Variants in MAGI1 observed in about 807,000 individuals in gnomAD.
MAGI1 encodes membrane associated guanylate kinase, WW and PDZ domain containing 1, also known as membrane-associated guanylate kinase, WW and PDZ domain-containing protein 1.
In MAGI1, 58 loss-of-function variants were observed where a neutral mutation model predicts 139.9. The observed-to-expected ratio is 0.41, with a 90% CI of 0.34 to 0.52. The LOEUF (loss-of-function observed/expected upper bound fraction) is 0.52. Among genes scored for constraint, MAGI1 ranks in the 20% least tolerant of loss-of-function variants. MAGI1 has a pLI of 0.12. For missense variants in MAGI1, 1,874 were observed against 1,901.6 expected, an observed-to-expected ratio of 0.99 and a Z score of 0.27; for synonymous variants, 812 against 737.9, an observed-to-expected ratio of 1.10 and a Z score of -1.63.
chr3:65,530,945 T>C (rs1219212577), intron 2 of MAGI1, among the ~76,000 whole-genome samples: 1 of 150,342 alleles, frequency 6.7e-6, no homozygotes, highest in African/African-American at 2.5e-5. Context: ...TCTGTTATTA[T>C]TCGTAGTTCC....
intron 2 of MAGI1, among the ~76,000 whole-genome samples, chr3:65,593,148 G>A (rs2106762054): frequency 6.8e-6 from 1 of 146,960 alleles, no homozygotes. Context: ...CTCATAAAAA[G>A]GAGTTTAAAT....
chr3:65,453,003 T>C (rs1949132974), intron 6 of MAGI1: 1 of 403,036 alleles, frequency 2.5e-6, no homozygotes, highest in East Asian at 3.8e-5. Context: ...GTATCTTCAT[T>C]TGAACAGTTT....
At chr3:65,360,664 A>C (rs2106711645) in intron 22 of MAGI1, 1 of 986,908 alleles carries the variant, frequency 1.0e-6, no homozygotes, top group Non-Finnish European at 1.2e-6. Context: ...AGATGGTCTG[A>C]TTTGGGGTAA....
At chr3:65,828,045 A>G (rs933081527) in intron 1 of MAGI1, among the ~76,000 whole-genome samples, 2 of 152,364 alleles carry the variant, frequency 1.3e-5, no homozygotes, top group Non-Finnish European at 2.9e-5. Flanking sequence ...AGTTGATTTT[A>G]TAAGATATTA....
chr3:66,025,622 T>G (rs897056336), intron 1 of MAGI1, among the ~76,000 whole-genome samples: 7 of 152,216 alleles, frequency 4.6e-5, no homozygotes, highest in Admixed American at 1.3e-4. Flanking sequence ...CCAAACAGCA[T>G]GTACTGTACA....
intron 2 of MAGI1, among the ~76,000 whole-genome samples, chr3:65,616,405 GAGAT>G (rs746317781): frequency 6.6e-5 from 10 of 152,174 alleles, no homozygotes; most frequent in Non-Finnish European, 1.0e-4. Context: ...AAATAGAAAA[GAGAT>G]AGAGTCGAAG....
At chr3:65,912,164 T>A (rs1335204064) in intron 1 of MAGI1, among the ~76,000 whole-genome samples, 1 of 149,510 alleles carries the variant, frequency 6.7e-6, no homozygotes, top group Non-Finnish European at 1.5e-5. Context: ...AACCCAATCT[T>A]GAAAGCTATT....
chr3:65,590,608 TC>T (rs1044912154), intron 2 of MAGI1, among the ~76,000 whole-genome samples: 3 of 152,260 alleles, frequency 2.0e-5, no homozygotes, highest in East Asian at 1.9e-4. Context: ...TACTTAGCTG[TC>T]CCCCCCATTC....
intron 1 of MAGI1, among the ~76,000 whole-genome samples, chr3:65,919,355 G>C (rs556493700): frequency 6.6e-6 from 1 of 152,132 alleles, no homozygotes; most frequent in Non-Finnish European, 1.5e-5. Context: ...TTGAGCCCAG[G>C]AGTTTGAGAC....
chr3:65,557,308 A>T (rs1576312285), intron 2 of MAGI1, among the ~76,000 whole-genome samples: 3 of 152,170 alleles, frequency 2.0e-5, no homozygotes, highest in African/African-American at 7.2e-5. Flanking sequence ...GAAGCCTGCT[A>T]CCACGTGGTA....
At chr3:65,603,001 C>A (rs77140140) in intron 2 of MAGI1, among the ~76,000 whole-genome samples, 2 of 152,128 alleles carry the variant, frequency 1.3e-5, no homozygotes, top group South Asian at 4.1e-4. Context: ...CAGAATGGTT[C>A]ATTTTCTAGA....
chr3:65,828,962 A>C (rs1247328433), intron 1 of MAGI1, among the ~76,000 whole-genome samples: 3 of 152,162 alleles, frequency 2.0e-5, no homozygotes, highest in Non-Finnish European at 4.4e-5. Context: ...CTCCGCTGAC[A>C]GCCAGCAAGA....
At chr3:66,011,212 C>A (rs2067303438) in intron 1 of MAGI1, among the ~76,000 whole-genome samples, 1 of 152,152 alleles carries the variant, frequency 6.6e-6, no homozygotes, top group East Asian at 1.9e-4. Context: ...AGGGTGTCCC[C>A]ACATGGCAGC....
intron 1 of MAGI1, among the ~76,000 whole-genome samples, chr3:65,716,930 A>G (rs192896635): frequency 9.3e-4 from 141 of 152,330 alleles, no homozygotes; most frequent in Middle Eastern, 3.4e-3. Context: ...ATATTGGTGA[A>G]TGTTGTAGGC....
At chr3:65,771,516 T>C (rs1457340691) in intron 1 of MAGI1, among the ~76,000 whole-genome samples, 3 of 152,174 alleles carry the variant, frequency 2.0e-5, no homozygotes, top group Admixed American at 2.0e-4. Flanking sequence ...AACTGTGTAA[T>C]ATAAAAGCAC....
chr3:65,429,864 G>A lies in MAGI1; in HGVS notation c.1823C>T (p.Ala608Val). The change falls in exon 12 of 23, where the codon GCC (alanine) becomes GTC (valine). Residue 608 changes from alanine (A) to valine (V), a missense_variant. Physicochemically the swap from Ala to Val is moderately conservative, Grantham distance 64. This residue lies in a region of MAGI1 where 482 missense variants were observed against 509.6 expected (regional missense o/e 0.95). Transcript: ENST00000402939. ...KTGKVNGMKD[A>V]RPSSPADVAS... Reference sequence around the variant, plus strand: ...CACGTCCGCTGGGCTGCTTGGCCTGGCATCCTTCATGCCATTGACTTTGCC... The same window carrying A: ...CACGTCCGCTGGGCTGCTTGGCCTGACATCCTTCATGCCATTGACTTTGCC... The A allele has an allele frequency of 6.2e-7, 1 of 1,613,964 alleles. No individual in the cohort carries two copies. The highest frequency in any genetic ancestry group is 8.5e-7 in the Non-Finnish European group (1 of 1,179,952).
chr3:65,942,968 C>G (rs776645381), intron 1 of MAGI1, among the ~76,000 whole-genome samples: 2 of 152,078 alleles, frequency 1.3e-5, no homozygotes, highest in Non-Finnish European at 2.9e-5. Context: ...TTGCAGTGAG[C>G]CGAGATCATG....
Position 65,356,580 on chromosome 3 carries a change from G to A in MAGI1, c.4187C>T (p.Ala1396Val). The part of the protein sequence containing the change: ...RRRGGSPERR[A>V]KSTDRRRARS... ...TGCGCGCCTCCGGTCGGTGGACTTGGCCCTGCGCTCGGGCGAGCCCCCTCT... is the reference window on the plus strand; with the variant it reads ...TGCGCGCCTCCGGTCGGTGGACTTGACCCTGCGCTCGGGCGAGCCCCCTCT... Residue 1396 changes from alanine (A) to valine (V), a missense_variant, in exon 23 of 23, where the codon GCC becomes GTC. By Grantham distance (64) the Ala-to-Val change is moderately conservative (BLOSUM62 0). Around this residue, in one of 5 missense-constraint regions of MAGI1, gnomAD observed 653 missense variants for 644.5 expected, o/e 1.01. Transcript: ENST00000402939. The A allele has an allele frequency of 1.2e-6, 2 of 1,605,346 alleles. No homozygotes were observed. The highest frequency in any genetic ancestry group is 2.2e-5 in the East Asian group (1 of 44,764).
At chr3:65,952,587 G>T (rs2063918256) in intron 1 of MAGI1, among the ~76,000 whole-genome samples, 1 of 152,118 alleles carries the variant, frequency 6.6e-6, no homozygotes, top group Admixed American at 6.5e-5. Context: ...GGCCGAGGCG[G>T]GTGGATCACG....
Sources: allele counts gnomAD v4.1 joint callset (sites outside exome capture counted in the v4.1 genomes callset), GRCh38; gene constraint gnomAD v4.1.1; regional missense constraint gnomAD v4.1.1; transcripts MANE v1.5; gene names NCBI Gene and HGNC (gene_info 2026-07-23, HGNC 2026-07-21).